The following PCDHGA4 variants were observed in gnomAD, a reference collection of about 807,000 sequenced individuals.
PCDHGA4 encodes the protein protocadherin gamma subfamily A, 4.
Under a neutral mutation model 54.6 loss-of-function variants are expected in PCDHGA4, and 38 were observed. The ratio of observed to expected loss-of-function variants is 0.70; its 90% CI spans 0.54 to 0.91. The LOEUF (loss-of-function observed/expected upper bound fraction) is 0.91, where lower values mean the gene tolerates loss of function less well. PCDHGA4 is among the 40% of genes least tolerant of loss of function. The pLI, the probability that PCDHGA4 is intolerant of heterozygous loss-of-function variation, is 0.00. For synonymous variants in PCDHGA4, 511 were observed against 512.9 expected (o/e 1.00, Z 0.05); for missense variants, 1,298 against 1,220.9 (o/e 1.06, Z -0.94).
intron 1 of PCDHGA4, chr5:141,409,609 C>T: frequency 1.2e-6 from 2 of 1,613,938 alleles, no homozygotes; most frequent in Non-Finnish European, 1.7e-6. Flanking sequence ...CGCCAGGAGC[C>T]TCCATTGCGC....
At position 141,476,994 on chromosome 5, in the gene PCDHGA4, A is replaced by T; in HGVS notation, c.2515-17813A>T. 6.2e-7 allele frequency: 1 copy of T among 1,614,260 alleles called. No individual in the cohort carries two copies. The highest frequency in any genetic ancestry group is 2.2e-5 in the East Asian group (1 of 44,884). On this transcript the variant is annotated intron_variant, in intron 1 of 3. Transcript: ENST00000571252. This position sits in a 1 kb window ranked among gnomAD's most constrained non-coding sequence, Gnocchi z 7.6. ...AGCCACAACCGCGCCGGCGTGCGGC[A>T]ACTATTCGCCTTAGACCTTGTAACC...
chr5:141,415,594 G>A (rs753362668), intron 1 of PCDHGA4: 1 of 1,613,866 alleles, frequency 6.2e-7, no homozygotes, highest in Non-Finnish European at 8.5e-7. Context: ...TCCTATAGAG[G>A]ATACCCCATT....
At chr5:141,383,503 C>T (rs751472631) in intron 1 of PCDHGA4, 24 of 1,612,654 alleles carry the variant, frequency 1.5e-5, no homozygotes, top group East Asian at 2.2e-5. Context: ...GGTGCTGGAC[C>T]GGGAGGAAGA....
At position 141,511,481 on chromosome 5, in the gene PCDHGA4, ACTC is replaced by A. The variant is rs2154594681; in HGVS notation, c.*313_*315del. On this transcript the variant is annotated 3_prime_UTR_variant, in exon 4 of 4. Coordinates refer to ENST00000571252, the MANE Select transcript of PCDHGA4 (RefSeq NM_018917.4). ...CCACACCCCGTTTAGTTACAGCTGAACTCCTCCATCTTCCAAATCAATCAGGCC... is the reference window on the plus strand; with the variant it reads ...CCACACCCCGTTTAGTTACAGCTGAACTCCATCTTCCAAATCAATCAGGCC... 2 of 464,080 alleles carry A rather than the reference ACTC, an allele frequency of 4.3e-6. No individual in the cohort carries two copies. The highest frequency in any genetic ancestry group is 7.7e-6 in the Non-Finnish European group (2 of 260,856). The allele number at this position is 464,080 out of a possible 1,614,324, so 28.7% of individuals were successfully genotyped here.
chr5:141,436,207 A>T (rs544201723), intron 1 of PCDHGA4, among the ~76,000 whole-genome samples: 1 of 152,142 alleles, frequency 6.6e-6, no homozygotes, highest in Admixed American at 6.5e-5. Context: ...ACATAATAGG[A>T]AAACAAATGA....
At chr5:141,382,795 T>G in intron 1 of PCDHGA4, 8 of 982,614 alleles carry the variant, frequency 8.1e-6, no homozygotes, top group Non-Finnish European at 1.2e-5. Context: ...TCTATCCTGC[T>G]GGATTCTGAG....
chr5:141,487,004 C>G lies in PCDHGA4; in HGVS notation c.2515-7803C>G. 1 of 1,614,224 alleles carries G rather than the reference C, an allele frequency of 6.2e-7. No homozygotes were observed. The highest frequency in any genetic ancestry group is 1.1e-5 in the South Asian group (1 of 91,086). On this transcript the variant is annotated intron_variant, in intron 1 of 3. Transcript: ENST00000571252. This position sits in a 1 kb window ranked among gnomAD's most constrained non-coding sequence, Gnocchi z 5.0. ...CAATGCTTGGGTTTCCTATCAGCTC[C>G]TGGAGGCCCCAGATCCCAGCCTGTT...
intron 1 of PCDHGA4, chr5:141,492,005 C>A (rs1444993907): frequency 3.1e-6 from 2 of 642,268 alleles, no homozygotes; most frequent in African/African-American, 3.8e-5. Flanking sequence ...GGGCGATTTC[C>A]GCGGGTGTCG....
intron 1 of PCDHGA4, chr5:141,414,697 T>C (rs748722995): frequency 6.2e-7 from 1 of 1,614,036 alleles, no homozygotes; most frequent in Non-Finnish European, 8.5e-7. Flanking sequence ...TCTGTCCTCA[T>C]ACATATCCAT....
intron 1 of PCDHGA4, chr5:141,399,366 G>A (rs1390489498): frequency 3.7e-6 from 6 of 1,613,850 alleles, no homozygotes; most frequent in Middle Eastern, 3.3e-4. Flanking sequence ...AAACCCCGGA[G>A]TACAATGTCA....
At position 141,357,534 on chromosome 5, in the gene PCDHGA4, G is replaced by T. The variant is rs1412443239; in HGVS notation, c.2427G>T (p.Thr809=). ...TCTCCCAACCCAGCTATGCAGACAC[G>T]CTCATCAGCCGGGAGAGTTGTGAGA... The part of the protein sequence containing the change: ...LIFSQPSYAD[T]LISRESCEKS... The change falls in exon 1 of 4, where the codon ACG becomes ACT. Residue 809 remains threonine, a synonymous_variant. Transcript: ENST00000571252. 6.2e-7 allele frequency: 1 copy of T among 1,614,206 alleles called. No individual in the cohort carries two copies. The highest frequency in any genetic ancestry group is 8.5e-7 in the Non-Finnish European group (1 of 1,180,050).
intron 1 of PCDHGA4, chr5:141,377,207 A>T (rs1170353646): frequency 6.6e-6 from 1 of 152,122 alleles, no homozygotes; most frequent in Non-Finnish European, 1.5e-5. Context: ...GATTGAGTAC[A>T]TCTCGTTTCT....
intron 1 of PCDHGA4, chr5:141,382,716 C>A (rs11575956): frequency 2.0e-6 from 1 of 488,008 alleles, no homozygotes; most frequent in Non-Finnish European, 3.5e-6. Context: ...CAGAAACCAC[C>A]GAGTTTTACA....
At position 141,489,097 on chromosome 5, in the gene PCDHGA4, C is replaced by A; in HGVS notation, c.2515-5710C>A. ...ACCCCCGCCACTCGGTGACTAAGAA[C>A]TGCTGCAAGCAGGCAAACCTCCGAG... On this transcript the variant is annotated intron_variant, in intron 1 of 3. Transcript: ENST00000571252. This position sits in a 1 kb window ranked among gnomAD's most constrained non-coding sequence, Gnocchi z 4.5. The A allele has an allele frequency of 2.6e-5, 8 of 313,358 alleles. No homozygotes were observed. Among genetic ancestry groups the A allele is most frequent in the Non-Finnish European group, 3.5e-5 (6 of 172,456 alleles). The allele number at this position is 313,358 out of a possible 1,614,324, so 19.4% of individuals were successfully genotyped here. A position where few individuals can be genotyped will look rare whatever the true frequency, so the allele number is the denominator to read the frequency against.
rs1342473418 is a variant in PCDHGA4, at chr5:141,477,702, A to G, written c.2515-17105A>G. On this transcript the variant is annotated intron_variant, in intron 1 of 3. Transcript: ENST00000571252. The surrounding 1 kb of genome is among the most constrained non-coding windows in gnomAD (Gnocchi z 4.9). Reference sequence around the variant, plus strand: ...TCCTTAGTGCCCCTAGACTATGAGGATCGGCGGGAATTTGAATTAACAGCT... The same window carrying G: ...TCCTTAGTGCCCCTAGACTATGAGGGTCGGCGGGAATTTGAATTAACAGCT... The G allele has an allele frequency of 1.9e-6, 3 of 1,613,924 alleles. No individual in the cohort carries two copies. Among genetic ancestry groups the G allele is most frequent in the Non-Finnish European group, 2.5e-6 (3 of 1,180,044 alleles).
chr5:141,476,264 G>T lies in PCDHGA4; in HGVS notation c.2515-18543G>T, dbSNP rs753184649. On this transcript the variant is annotated intron_variant, in intron 1 of 3. Coordinates refer to ENST00000571252, the MANE Select transcript of PCDHGA4 (RefSeq NM_018917.4). This position sits in a 1 kb window ranked among gnomAD's most constrained non-coding sequence, Gnocchi z 7.6. ...AGAGAAGGGTTTCGCTGTGGGCAAC[G>T]TGGTCGCGAACCTTGGTTTGGATCT... The T allele has an allele frequency of 5.0e-6, 8 of 1,613,964 alleles. No individual in the cohort carries two copies. In the African/African-American group the frequency reaches 8.0e-5, roughly 16 times the overall value.
intron 1 of PCDHGA4, among the ~76,000 whole-genome samples, chr5:141,453,517 C>A (rs1001603927): frequency 1.3e-5 from 2 of 152,062 alleles, no homozygotes; most frequent in African/African-American, 4.8e-5. Flanking sequence ...TCATTCCTCC[C>A]CTATACCTTC....
intron 1 of PCDHGA4, chr5:141,376,739 T>C (rs1773315413): frequency 8.0e-6 from 4 of 502,200 alleles, no homozygotes; most frequent in Non-Finnish European, 1.4e-5. Flanking sequence ...GACTGCGGAC[T>C]GCAGTGGCGC....
At position 141,485,162 on chromosome 5, in the gene PCDHGA4, C is replaced by A. The variant is rs759021453; in HGVS notation, c.2515-9645C>A. The A allele has an allele frequency of 8.7e-6, 14 of 1,602,188 alleles. No individual in the cohort carries two copies. The Admixed American group carries it at 2.0e-4, about 23-fold the overall frequency. ...GTCTCAGGAGCAAGTAGAGAATTAGCGGGCGGCAGCAATGCTCCGCAAGGT... is the reference window on the plus strand; with the variant it reads ...GTCTCAGGAGCAAGTAGAGAATTAGAGGGCGGCAGCAATGCTCCGCAAGGT... On this transcript the variant is annotated intron_variant, in intron 1 of 3. Transcript: ENST00000571252. The surrounding 1 kb of genome is among the most constrained non-coding windows in gnomAD (Gnocchi z 5.7).
Sources: gnomAD v4.1 joint callset for allele counts (sites outside exome capture counted in the v4.1 genomes callset) on GRCh38, gnomAD v4.1.1 for gene constraint, Gnocchi (gnomAD v3.1) non-coding constraint, MANE v1.5 for transcripts, NCBI Gene and HGNC (gene_info 2026-07-23, HGNC 2026-07-21) for gene names.